The following ADAR variants were observed in gnomAD, a reference collection of about 807,000 sequenced individuals.
ADAR encodes adenosine deaminase RNA specific.
A neutral mutation model predicts 113.2 loss-of-function variants in ADAR; 41 were observed. The ratio of observed to expected loss-of-function variants is 0.36; its 90% CI spans 0.28 to 0.47. The LOEUF (loss-of-function observed/expected upper bound fraction) is 0.47, where lower values mean the gene tolerates loss of function less well. Ranked by LOEUF, ADAR falls within the 20% of genes least tolerant of loss-of-function variation. The pLI is 1.00. For missense variants in ADAR, 1,242 were observed against 1,540.9 expected (o/e 0.81, Z 3.25); for synonymous variants, 605 against 572.6 (o/e 1.06, Z -0.81).
intron 13 of ADAR, 54 bp from the exon 14 acceptor site, chr1:154,585,398 T>TCTGAAGCAGG: frequency 6.2e-7 from 1 of 1,612,284 alleles, no homozygotes; most frequent in Non-Finnish European, 8.5e-7. Context: ...GGAATAAGAT[T>TCTGAAGCAGG]CTGAAGCAGG....
chr1:154,585,087 A>T, intron 14 of ADAR, 44 bp from the exon 15 acceptor site: 1 of 1,611,740 alleles, frequency 6.2e-7, no homozygotes, highest in South Asian at 1.1e-5. Context: ...GACCTGTAAG[A>T]TAAGGAGCTC....
chr1:154,616,493 G>C (rs1250806040), intron 1 of ADAR, among the ~76,000 whole-genome samples: 1 of 151,968 alleles, frequency 6.6e-6, no homozygotes, highest in Non-Finnish European at 1.5e-5. Context: ...ACTATCCTAT[G>C]ATTTGCCCTT....
chr1:154,591,936 T>A (rs774715765), intron 6 of ADAR, among the ~76,000 whole-genome samples: 1 of 152,194 alleles, frequency 6.6e-6, no homozygotes, highest in African/African-American at 2.4e-5. Flanking sequence ...GAGGGACAGA[T>A]TGTGTAGTAT....
At chr1:154,590,135 A>AGGGGGGGGGGG in intron 7 of ADAR, 49 bp downstream of exon 7, 3 of 1,205,038 alleles carry the variant, frequency 2.5e-6, no homozygotes, top group Non-Finnish European at 3.6e-6. Context: ...CTTAGGAGTT[A>AGGGGGGGGGGG]GGAGGACCCC....
In ADAR at chr1:154,584,118, C is replaced by G. The variant is rs1010649473; in HGVS notation, c.*688G>C. On this transcript the variant is annotated 3_prime_UTR_variant, in exon 15 of 15. Transcript: ENST00000368474. ...AGCTGCCGGAGAAAGTGATACACTT[C>G]CAGGGAAGCAGCTTTCCTTGCCTTG... 6.6e-6 allele frequency: 1 copy of G among 152,374 alleles called. No individual in the cohort carries two copies. Among genetic ancestry groups the G allele is most frequent in the African/African-American group, 2.4e-5 (1 of 41,442 alleles). 9.4% of individuals were successfully genotyped at this position (152,374 alleles called of 1,614,324 possible).
intron 1 of ADAR, among the ~76,000 whole-genome samples, chr1:154,607,393 G>A (rs971757430): frequency 9.2e-5 from 14 of 152,180 alleles, no homozygotes; most frequent in South Asian, 2.1e-4. Flanking sequence ...TAGCTATAAA[G>A]TGGTTAACAA....
At chr1:154,623,543 G>A (rs373715188) in intron 1 of ADAR, among the ~76,000 whole-genome samples, 5 of 152,260 alleles carry the variant, frequency 3.3e-5, no homozygotes, top group East Asian at 1.9e-4. Context: ...GGTTATGGAC[G>A]GGCAGTTTAC....
At position 154,586,222 on chromosome 1, in the gene ADAR, G is replaced by C; in HGVS notation, c.3161C>G (p.Thr1054Ser). Residue 1054 changes from threonine to serine, a missense_variant, in exon 12 of 15, where the codon ACC becomes AGC. Physicochemically the swap from Thr to Ser is moderately conservative, Grantham distance 58. Coordinates refer to ENST00000368474, the MANE Select transcript of ADAR (RefSeq NM_001111.5). Reference sequence around the variant, plus strand: ...GAGATAAATGGGCTGCAGGAAGTGGGTCAACAGTGCCCCTTGCAGGCCCAG... The same window carrying C: ...GAGATAAATGGGCTGCAGGAAGTGGCTCAACAGTGCCCCTTGCAGGCCCAG... Reference protein sequence around the residue: ...NVLGLQGALLTHFLQPIYLKS... With the variant: ...NVLGLQGALLSHFLQPIYLKS... 1 of 1,614,232 alleles carries C rather than the reference G, an allele frequency of 6.2e-7. No individual in the cohort carries two copies. The highest frequency in any genetic ancestry group is 8.5e-7 in the Non-Finnish European group (1 of 1,180,044).
At chr1:154,596,506 C>T (rs1388937570) in intron 6 of ADAR, among the ~76,000 whole-genome samples, 1 of 152,180 alleles carries the variant, frequency 6.6e-6, no homozygotes, top group Non-Finnish European at 1.5e-5. Context: ...TCCCAAAGTG[C>T]TGGGATTACA....
chr1:154,619,881 T>C (rs745580475), intron 1 of ADAR, among the ~76,000 whole-genome samples: 3 of 152,186 alleles, frequency 2.0e-5, no homozygotes, highest in Non-Finnish European at 2.9e-5. Flanking sequence ...TCGAGAAAAC[T>C]GTAAGGCAGT....
chr1:154,601,036 C>T lies in ADAR; in HGVS notation c.1601+5G>A. 1.2e-6 allele frequency: 2 copies of T among 1,614,100 alleles called. No individual in the cohort carries two copies. Among genetic ancestry groups the T allele is most frequent in the Non-Finnish European group, 1.7e-6 (2 of 1,180,028 alleles). ...CCTAGGTACAGTTCCTGGGTGGTCTCTTACCGAGGTTCATGGGGTGGTCCA... is the reference window on the plus strand; with the variant it reads ...CCTAGGTACAGTTCCTGGGTGGTCTTTTACCGAGGTTCATGGGGTGGTCCA... On this transcript the variant is annotated splice_donor_5th_base_variant and intron_variant, in intron 2 of 14. Transcript: ENST00000368474. The surrounding 1 kb of genome is among the most constrained non-coding windows in gnomAD (Gnocchi z 4.7).
chr1:154,601,795 A>G lies in ADAR; in HGVS notation c.847T>C (p.Ser283Pro). The G allele has an allele frequency of 6.2e-7, 1 of 1,614,212 alleles. No homozygotes were observed. The highest frequency in any genetic ancestry group is 8.5e-7 in the Non-Finnish European group (1 of 1,180,034). The change falls in exon 2 of 15, where the codon TCC (serine) becomes CCC (proline). Residue 283 changes from serine to proline, a missense_variant. By Grantham distance (74) the Ser-to-Pro change is moderately conservative. Coordinates refer to ENST00000368474, the MANE Select transcript of ADAR (RefSeq NM_001111.5). This position sits in a 1 kb window ranked among gnomAD's most constrained non-coding sequence, Gnocchi z 4.7. Reference sequence around the variant, plus strand: ...AGAGGATCTTCCAAGGCAGATGTGGAGTTGCTGTCTTCAGGTTCCAAACCT... The same window carrying G: ...AGAGGATCTTCCAAGGCAGATGTGGGGTTGCTGTCTTCAGGTTCCAAACCT... ...DPGLEPEDSNSTSALEDPLEF... is the reference protein window; with the variant it reads ...DPGLEPEDSNPTSALEDPLEF...
At chr1:154,594,885 A>T (rs1697395304) in intron 6 of ADAR, among the ~76,000 whole-genome samples, 2 of 152,270 alleles carry the variant, frequency 1.3e-5, no homozygotes, top group African/African-American at 2.4e-5. Context: ...TACTTGTTTA[A>T]AAAGACAAAA....
intron 11 of ADAR, 54 bp downstream of exon 11, chr1:154,588,071 C>G: frequency 6.2e-7 from 1 of 1,610,066 alleles, no homozygotes; most frequent in Non-Finnish European, 8.5e-7. Context: ...ACTTGGGGTC[C>G]CTGGACCTTG....
At chr1:154,627,771 C>T in intron 1 of ADAR, 1 of 493,104 alleles carries the variant, frequency 2.0e-6, no homozygotes, top group Non-Finnish European at 4.0e-6. Context: ...CTTCCTCTAA[C>T]ATCAACGCCA....
intron 9 of ADAR, 42 bp from the exon 10 acceptor site, chr1:154,588,715 G>A: frequency 6.2e-7 from 1 of 1,613,442 alleles, no homozygotes; most frequent in South Asian, 1.1e-5. Context: ...GTTCAATTCT[G>A]GGAAAAGCAG....
chr1:154,589,723 C>CA, intron 8 of ADAR, 34 bp downstream of exon 8: 1 of 1,613,896 alleles, frequency 6.2e-7, no homozygotes, highest in Non-Finnish European at 8.5e-7. Flanking sequence ...TTTCAGGCGC[C>CA]ATGGGAGGCG....
At chr1:154,627,778 G>C (rs1041417328) in intron 1 of ADAR, 3 of 501,178 alleles carry the variant, frequency 6.0e-6, no homozygotes, top group African/African-American at 5.8e-5. Context: ...TAACATCAAC[G>C]CCAGAGACTG....
At chr1:154,605,798 G>C (rs1001197475) in intron 1 of ADAR, among the ~76,000 whole-genome samples, 1 of 152,156 alleles carries the variant, frequency 6.6e-6, no homozygotes, top group African/African-American at 2.4e-5. Flanking sequence ...CTGGCTCCCA[G>C]AGCTGAATTA....
Sources: allele counts gnomAD v4.1 joint callset (sites outside exome capture counted in the v4.1 genomes callset), GRCh38; gene constraint gnomAD v4.1.1; non-coding constraint Gnocchi (gnomAD v3.1); transcripts MANE v1.5; gene names NCBI Gene and HGNC (gene_info 2026-07-23, HGNC 2026-07-21).